DENND2B: variants seen among roughly 807,000 people sequenced by gnomAD.
The protein encoded by DENND2B is DENN domain containing 2B.
DENND2B carries 32 observed loss-of-function variants against 116.0 expected under a neutral mutation model. The ratio of observed to expected loss-of-function variants is 0.28; its 90% confidence interval spans 0.21 to 0.37. The LOEUF is 0.37. Among genes scored for constraint, DENND2B ranks in the 10% least tolerant of loss-of-function variants. The pLI is 1.00. For synonymous variants in DENND2B, 588 were observed against 583.9 expected (o/e 1.01, Z -0.10); for missense variants, 1,276 against 1,477.7 (o/e 0.86, Z 2.24).
Position 8,710,882 on chromosome 11 carries a change from T to C in DENND2B, c.2315A>G (p.Asp772Gly). ...GCAGTAGCCAAAGCGTCTGCTGCCA[T>C]CTTCCCCAGTCAGCATGAAAGAAAA... ...ETFSFMLTGE[D>G]GSRRFGYCRR... is the part of the protein sequence containing the mutation. Residue 772 changes from aspartate (D) to glycine (G), a missense_variant, in exon 11 of 20, where the codon GAT (aspartate) becomes GGT (glycine). This residue lies in a region of DENND2B where 420 missense variants were observed against 631.1 expected (regional missense o/e 0.67). Transcript: ENST00000313726. 6.2e-7 allele frequency: 1 copy of C among 1,614,062 alleles called. No homozygotes were observed. Among genetic ancestry groups the C allele is most frequent in the Non-Finnish European group, 8.5e-7 (1 of 1,180,016 alleles).
In DENND2B at chr11:8,730,952, G is replaced by C. The variant is rs758620105; in HGVS notation, c.338C>G (p.Ala113Gly). 1.9e-6 allele frequency: 3 copies of C among 1,614,128 alleles called. No homozygotes were observed. Among genetic ancestry groups the C allele is most frequent in the Non-Finnish European group, 2.5e-6 (3 of 1,180,060 alleles). ...TGCGCCTTGGACACTTTCCTTTTGG[G>C]CGTCTCTCTTGCACGCCGAAGGGCT... is the stretch of plus-strand genomic sequence containing the variant. Reference protein sequence around the residue: ...DRSPSACKRDAQKESVQGAAQ... With the variant: ...DRSPSACKRDGQKESVQGAAQ... Residue 113 changes from alanine to glycine, a missense_variant, in exon 3 of 20, where the codon GCC becomes GGC. Ala to Gly is a moderately conservative substitution (Grantham distance 60). Around this residue, in one of 2 missense-constraint regions of DENND2B, gnomAD observed 856 missense variants for 846.6 expected, o/e 1.01. Coordinates refer to ENST00000313726, the MANE Select transcript of DENND2B (RefSeq NM_213618.2). This position sits in a 1 kb window ranked among gnomAD's most constrained non-coding sequence, Gnocchi z 4.1.
intron 1 of DENND2B, among the ~76,000 whole-genome samples, chr11:8,888,112 T>C (rs2063982869): frequency 2.0e-5 from 3 of 152,228 alleles, no homozygotes; most frequent in South Asian, 4.1e-4. Context: ...TTTGGAACTC[T>C]AGAGTCTATT....
chr11:8,820,857 C>T (rs1594101647), intron 4 of DENND2B, among the ~76,000 whole-genome samples: 1 of 152,130 alleles, frequency 6.6e-6, no homozygotes, highest in Non-Finnish European at 1.5e-5. Context: ...TGCAGCGGCT[C>T]ACATCTGTAA....
rs1003802644 is a variant in DENND2B, at chr11:8,703,897, G to A, written c.2572-1177C>T. Among the ~76,000 whole-genome samples, 82 of 152,304 alleles carry A rather than the reference G, an allele frequency of 5.4e-4. 2 individuals carry two copies. Among genetic ancestry groups the A allele is most frequent in the Admixed American group, 9.1e-4 (14 of 15,308 alleles). Reference sequence around the variant, plus strand: ...GGTACACCCCAAATGGTCAGTGAACGTGGACTCACAGAAAGAAGTAGCACA... The same window carrying A: ...GGTACACCCCAAATGGTCAGTGAACATGGACTCACAGAAAGAAGTAGCACA... On this transcript the variant is annotated intron_variant, in intron 13 of 19. Transcript: ENST00000313726.
chr11:8,882,427 G>A (rs1340398800), intron 1 of DENND2B, among the ~76,000 whole-genome samples: 1 of 152,144 alleles, frequency 6.6e-6, no homozygotes, highest in East Asian at 1.9e-4. Context: ...TGCTCACCAT[G>A]AGCCAATCTG....
At chr11:8,710,986 C>T (rs766759890) in intron 10 of DENND2B, 72 bp from the exon 11 acceptor site, 65 of 1,590,876 alleles carry the variant, frequency 4.1e-5, no homozygotes, top group African/African-American at 6.7e-5. Context: ...GAATAGGGAC[C>T]GTCATTTTCA....
intron 1 of DENND2B, among the ~76,000 whole-genome samples, chr11:8,898,793 T>C (rs2134755189): frequency 6.6e-6 from 1 of 152,332 alleles, no homozygotes; most frequent in East Asian, 1.9e-4. Context: ...TGATCTAAAA[T>C]GTTCAGTTTT....
At chr11:8,795,154 A>C (rs1565964219) in intron 1 of DENND2B, among the ~76,000 whole-genome samples, 1 of 152,248 alleles carries the variant, frequency 6.6e-6, no homozygotes, top group Non-Finnish European at 1.5e-5. Flanking sequence ...AGACGAGCAC[A>C]TACCTGGAAA....
intron 1 of DENND2B, among the ~76,000 whole-genome samples, chr11:8,786,638 C>T (rs1418812831): frequency 6.6e-6 from 1 of 152,104 alleles, no homozygotes; most frequent in Non-Finnish European, 1.5e-5. Context: ...GGCAAGAACC[C>T]ATCTCTACAA....
chr11:8,694,068 C>T lies in DENND2B; in HGVS notation c.*28G>A, dbSNP rs1477236619. 3.7e-6 allele frequency: 6 copies of T among 1,613,692 alleles called. No homozygotes were observed. The highest frequency in any genetic ancestry group is 3.3e-5 in the Admixed American group (2 of 59,990). ...TCCCCAGGCTTCAGGCTCTGCAAGG[C>T]ACTGGACTCTGCTACTGAGAAGGAG... On this transcript the variant is annotated 3_prime_UTR_variant, in exon 20 of 20. Transcript: ENST00000313726.
intron 2 of DENND2B, among the ~76,000 whole-genome samples, chr11:8,737,914 A>ATT (rs35471687): frequency 0.01 from 1,480 of 145,004 alleles, 14 homozygotes; most frequent in African/African-American, 0.027. Context: ...GGTCCAGCTA[A>ATT]TTTTTTTTTT....
chr11:8,779,514 C>CTTTT (rs771481403), intron 1 of DENND2B, among the ~76,000 whole-genome samples: 1 of 31,442 alleles, frequency 3.2e-5, no homozygotes, highest in African/African-American at 7.7e-5. Flanking sequence ...TTCTTTCTTT[C>CTTTT]TTTTTTTTTT....
At chr11:8,804,199 CTT>C (rs1277653822) in intron 1 of DENND2B, among the ~76,000 whole-genome samples, 1 of 152,242 alleles carries the variant, frequency 6.6e-6, no homozygotes, top group Non-Finnish European at 1.5e-5. Flanking sequence ...ACTCCTTCCT[CTT>C]AAAGGACACT....
At chr11:8,710,483 G>C (rs193058631) in intron 11 of DENND2B, among the ~76,000 whole-genome samples, 2 of 152,042 alleles carry the variant, frequency 1.3e-5, no homozygotes, top group Admixed American at 1.3e-4. Context: ...TGCTGGGGGC[G>C]ATTCGATCCT....
intron 1 of DENND2B, chr11:8,881,123 A>C (rs61876218): frequency 5.3e-5 from 8 of 152,102 alleles, no homozygotes; most frequent in Admixed American, 1.3e-4. Context: ...CAGAGGAGGT[A>C]AATTTTTTTT....
In DENND2B at chr11:8,693,974, G is replaced by T; in HGVS notation, c.*122C>A. ...GATATGATGAAGGCAGAGGTGGGCTGGCTTGGAGGATAGGATCTGTGGGGG... is the reference window on the plus strand; with the variant it reads ...GATATGATGAAGGCAGAGGTGGGCTTGCTTGGAGGATAGGATCTGTGGGGG... On this transcript the variant is annotated 3_prime_UTR_variant, in exon 20 of 20. Coordinates refer to ENST00000313726, the MANE Select transcript of DENND2B (RefSeq NM_213618.2). 1.0e-6 allele frequency: 1 copy of T among 993,528 alleles called. No homozygotes were observed. Among genetic ancestry groups the T allele is most frequent in the Non-Finnish European group, 1.5e-6 (1 of 653,730 alleles). 61.5% of individuals were successfully genotyped at this position (993,528 alleles called of 1,614,324 possible). A position where few individuals can be genotyped will look rare whatever the true frequency, so the allele number is the denominator to read the frequency against.
intron 4 of DENND2B, among the ~76,000 whole-genome samples, chr11:8,721,684 G>T (rs1050074423): frequency 6.6e-6 from 1 of 152,150 alleles, no homozygotes; most frequent in Admixed American, 6.5e-5. Flanking sequence ...CGACAGCCCC[G>T]GCACCTTCCC....
intron 1 of DENND2B, among the ~76,000 whole-genome samples, chr11:8,792,642 G>A (rs894026036): frequency 1.3e-5 from 2 of 152,064 alleles, no homozygotes; most frequent in Non-Finnish European, 2.9e-5. Context: ...ATTTACAAAG[G>A]AATAAAATCA....
intron 1 of DENND2B, among the ~76,000 whole-genome samples, chr11:8,772,748 C>T (rs988607435): frequency 3.9e-5 from 6 of 152,108 alleles, no homozygotes; most frequent in Non-Finnish European, 5.9e-5. Flanking sequence ...GTTCCAGCAA[C>T]CTTACACACT....
Sources: allele counts gnomAD v4.1 joint callset (sites outside exome capture counted in the v4.1 genomes callset), GRCh38; gene constraint gnomAD v4.1.1; regional missense constraint gnomAD v4.1.1; non-coding constraint Gnocchi (gnomAD v3.1); transcripts MANE v1.5; gene names NCBI Gene and HGNC (gene_info 2026-07-23, HGNC 2026-07-21).